The following SORBS2 variants were observed in gnomAD, a reference collection of about 807,000 sequenced individuals.
SORBS2 encodes the protein sorbin and SH3 domain containing 2.
A neutral mutation model predicts 97.7 loss-of-function variants in SORBS2; 46 were observed. That is an observed-to-expected ratio of 0.47 (90% CI 0.37 to 0.60). SORBS2 has a LOEUF of 0.60. Ranked by LOEUF, SORBS2 falls within the 20% of genes least tolerant of loss-of-function variation. SORBS2 has a pLI of 0.00. For synonymous variants in SORBS2, 476 were observed against 473.4 expected (o/e 1.01, Z -0.07); for missense variants, 1,316 against 1,282.3 (o/e 1.03, Z -0.40).
intron 1 of SORBS2, among the ~76,000 whole-genome samples, chr4:185,819,538 A>G (rs1204858648): frequency 1.3e-5 from 2 of 152,228 alleles, no homozygotes; most frequent in Non-Finnish European, 1.5e-5. Context: ...CCAGTGTTCT[A>G]CTACTGAGAA....
At chr4:185,873,893 AT>A (rs776414534) in intron 1 of SORBS2, among the ~76,000 whole-genome samples, 3 of 152,204 alleles carry the variant, frequency 2.0e-5, no homozygotes, top group South Asian at 4.1e-4. Flanking sequence ...AAATAATGTG[AT>A]TTCCCCCTTA....
intron 2 of SORBS2, among the ~76,000 whole-genome samples, chr4:185,741,404 G>T (rs76395452): frequency 0.011 from 1,255 of 111,224 alleles, 12 homozygotes; most frequent in African/African-American, 0.024. Flanking sequence ...TTTTTTTTTT[G>T]TTTTTTTTTT....
At chr4:185,818,389 C>T (rs1037051139) in intron 1 of SORBS2, among the ~76,000 whole-genome samples, 1 of 152,008 alleles carries the variant, frequency 6.6e-6, no homozygotes, top group Non-Finnish European at 1.5e-5. Flanking sequence ...CGGAGTTTCA[C>T]CATGTTAGCC....
intron 1 of SORBS2, among the ~76,000 whole-genome samples, chr4:185,835,079 T>A (rs947411508): frequency 7.9e-5 from 12 of 152,204 alleles, no homozygotes; most frequent in African/African-American, 2.7e-4. Flanking sequence ...AATCTCTCCC[T>A]AAGTCTTGCT....
At chr4:185,630,843 C>A (rs369578388) in intron 4 of SORBS2, among the ~76,000 whole-genome samples, 3 of 152,138 alleles carry the variant, frequency 2.0e-5, no homozygotes, top group East Asian at 3.8e-4. Flanking sequence ...AAATTATCCA[C>A]AACCCAAGCA....
At chr4:185,678,343 A>C in intron 4 of SORBS2, 80 bp downstream of exon 7, 2 of 1,151,782 alleles carry the variant, frequency 1.7e-6, no homozygotes, top group Non-Finnish European at 2.3e-6. Flanking sequence ...TGAAATACGC[A>C]CATTAGGAAA....
At chr4:185,805,462 A>C (rs1253839113) in intron 1 of SORBS2, among the ~76,000 whole-genome samples, 1 of 152,128 alleles carries the variant, frequency 6.6e-6, no homozygotes, top group African/African-American at 2.4e-5. Flanking sequence ...CAGTATGTTG[A>C]CCTGTTTGCT....
In SORBS2 at chr4:185,690,630, G is replaced by T; in HGVS notation, c.-197-11808C>A. 1.7e-6 allele frequency: 2 copies of T among 1,192,108 alleles called. No individual in the cohort carries two copies. Among genetic ancestry groups the T allele is most frequent in the Non-Finnish European group, 2.4e-6 (2 of 842,206 alleles). 73.8% of individuals were successfully genotyped at this position (1,192,108 alleles called of 1,614,324 possible). A position where few individuals can be genotyped will look rare whatever the true frequency, so the allele number is the denominator to read the frequency against. On this transcript the variant is annotated intron_variant, in intron 2 of 20. Coordinates refer to the SORBS2 transcript ENST00000284776. Reference sequence around the variant, plus strand: ...AGTTTTCCTGTAGGAAAAAAATGGTGCATAATTGTTCACTAGCATGTGGAA... The same window carrying T: ...AGTTTTCCTGTAGGAAAAAAATGGTTCATAATTGTTCACTAGCATGTGGAA...
At chr4:185,856,069 T>C (rs1022396737) in intron 1 of SORBS2, among the ~76,000 whole-genome samples, 2 of 152,218 alleles carry the variant, frequency 1.3e-5, no homozygotes, top group African/African-American at 4.8e-5. Flanking sequence ...TCTGAAAATG[T>C]ATATGATTCA....
chr4:185,849,272 G>T (rs754791903), intron 1 of SORBS2, among the ~76,000 whole-genome samples: 20 of 152,080 alleles, frequency 1.3e-4, no homozygotes, highest in Non-Finnish European at 2.5e-4. Context: ...CTACCCAGTG[G>T]AGCCACCAGA....
chr4:185,895,856 T>C (rs1397765135), intron 1 of SORBS2, among the ~76,000 whole-genome samples: 1 of 152,210 alleles, frequency 6.6e-6, no homozygotes, highest in African/African-American at 2.4e-5. Flanking sequence ...AATCCCTTCA[T>C]TGTTTTCTTT....
Position 185,607,285 on chromosome 4 carries a change from G to T in SORBS2, c.2796+4495C>A. ...CCAGCCCTGGCCAGTTCCCTGGAGAGCTCCTTTATCTGAGCCAGGTGAGAC... is the reference window on the plus strand; with the variant it reads ...CCAGCCCTGGCCAGTTCCCTGGAGATCTCCTTTATCTGAGCCAGGTGAGAC... On this transcript the variant is annotated intron_variant, in intron 12 of 14. Transcript: ENST00000418609. This position sits in a 1 kb window ranked among gnomAD's most constrained non-coding sequence, Gnocchi z 5.2. 1 of 1,280,440 alleles carries T rather than the reference G, an allele frequency of 7.8e-7. No homozygotes were observed. The highest frequency in any genetic ancestry group is 5.8e-5 in the East Asian group (1 of 17,108). The allele number at this position is 1,280,440 out of a possible 1,614,324, so 79.3% of individuals were successfully genotyped here. A position where few individuals can be genotyped will look rare whatever the true frequency, so the allele number is the denominator to read the frequency against.
chr4:185,897,074 C>T (rs903187699), intron 1 of SORBS2, among the ~76,000 whole-genome samples: 4 of 152,046 alleles, frequency 2.6e-5, no homozygotes, highest in Non-Finnish European at 4.4e-5. Flanking sequence ...TTCTGCCTTC[C>T]GGTTCCTCAG....
intron 2 of SORBS2, among the ~76,000 whole-genome samples, chr4:185,760,485 C>G (rs2098872802): frequency 6.6e-6 from 1 of 152,158 alleles, no homozygotes; most frequent in South Asian, 2.1e-4. Flanking sequence ...ACCACTTGAA[C>G]CTGGGAGGCG....
chr4:185,678,294 T>C (rs2097824535), intron 4 of SORBS2, 129 bp downstream of exon 7: 1 of 827,396 alleles, frequency 1.2e-6, no homozygotes, highest in Admixed American at 3.8e-5. Flanking sequence ...GCAAGCAAAC[T>C]AAATACAAAA....
chr4:185,729,948 CA>C (rs2098601445), intron 2 of SORBS2, among the ~76,000 whole-genome samples: 1 of 151,938 alleles, frequency 6.6e-6, no homozygotes, highest in South Asian at 2.1e-4. Flanking sequence ...GTGAAGTTTA[CA>C]TTTTCTTTTT....
At chr4:185,804,869 G>T (rs542557011) in intron 1 of SORBS2, among the ~76,000 whole-genome samples, 1 of 151,628 alleles carries the variant, frequency 6.6e-6, no homozygotes, top group African/African-American at 2.4e-5. Context: ...AGCTTCTATG[G>T]TTTTTTTTAA....
intron 2 of SORBS2, among the ~76,000 whole-genome samples, chr4:185,756,128 T>C (rs2098828993): frequency 6.6e-6 from 1 of 152,206 alleles, no homozygotes; most frequent in Non-Finnish European, 1.5e-5. Context: ...TGAATTTTCA[T>C]TGACAGCTCA....
At chr4:185,940,958 G>A (rs2099271683) in intron 1 of SORBS2, among the ~76,000 whole-genome samples, 1 of 152,126 alleles carries the variant, frequency 6.6e-6, no homozygotes, top group Non-Finnish European at 1.5e-5. Context: ...ACTGGGAGTT[G>A]CTACTGGCAT....
Sources: gnomAD v4.1 joint callset for allele counts (sites outside exome capture counted in the v4.1 genomes callset) on GRCh38, gnomAD v4.1.1 for gene constraint, Gnocchi (gnomAD v3.1) non-coding constraint, MANE v1.5 for transcripts, NCBI Gene and HGNC (gene_info 2026-07-23, HGNC 2026-07-21) for gene names.